Variants in TTLL6 observed in about 807,000 individuals in gnomAD.
The protein encoded by TTLL6 is tubulin tyrosine ligase like 6, also known as tubulin polyglutamylase TTLL6.
In TTLL6, 75 loss-of-function variants were observed where a neutral mutation model predicts 96.4. That is an observed-to-expected ratio of 0.78 (90% confidence interval 0.65 to 0.94). The LOEUF (loss-of-function observed/expected upper bound fraction) is 0.94, where lower values mean the gene tolerates loss of function less well. Ranked by LOEUF, TTLL6 falls within the 40% of genes least tolerant of loss-of-function variation. The probability of loss-of-function intolerance (pLI) is 0.00; values close to 1 mark genes in which losing one functional copy is unlikely to be tolerated. For missense variants in TTLL6, 1,030 were observed against 1,093.0 expected, an observed-to-expected ratio of 0.94 and a Z score of 0.81; for synonymous variants, 411 against 419.4, an observed-to-expected ratio of 0.98 and a Z score of 0.24.
At position 48,769,209 on chromosome 17, in the gene TTLL6, G is replaced by A; in HGVS notation, c.2456C>T (p.Ser819Phe). ...CACATCCAGCTGCCTCTTCTCGCCA[G>A]AGCTGTCACTGCGGGAGTGGCACTC... ...PGECHSRSDS[S>F]GEKRQLDVSS... The change falls in exon 15 of 16, where the codon TCT becomes TTT. Residue 819 changes from serine (S) to phenylalanine (F), a missense_variant. Coordinates refer to ENST00000393382, the MANE Select transcript of TTLL6 (RefSeq NM_001130918.3). 5 of 1,613,056 alleles carry A rather than the reference G, an allele frequency of 3.1e-6. No individual in the cohort carries two copies. Among genetic ancestry groups the A allele is most frequent in the Non-Finnish European group, 4.2e-6 (5 of 1,179,230 alleles).
chr17:48,812,064 A>ACCACCCCCCC (rs2039602289), intron 1 of TTLL6: 1 of 76,140 alleles, frequency 1.3e-5, no homozygotes. Flanking sequence ...TGATGCTGGG[A>ACCACCCCCCC]CCCCCCCCCC....
chr17:48,770,510 G>GTTATTATTAGTATTATTATTATTA (rs2038719709), intron 13 of TTLL6, among the ~76,000 whole-genome samples: 4 of 147,814 alleles, frequency 2.7e-5, no homozygotes, highest in Admixed American at 2.1e-4. Context: ...TATTGTTGTT[G>GTTATTATTAGTATTATTATTATTA]TTATTATTAT....
intron 8 of TTLL6, among the ~76,000 whole-genome samples, chr17:48,793,124 G>A (rs544562098): frequency 1.3e-5 from 2 of 152,308 alleles, no homozygotes; most frequent in African/African-American, 4.8e-5. Flanking sequence ...CTACTCCTGA[G>A]TTTGTGCGCC....
intron 5 of TTLL6, chr17:48,800,399 T>G (rs1251179305): frequency 6.6e-6 from 1 of 152,236 alleles, no homozygotes; most frequent in Non-Finnish European, 1.5e-5. Flanking sequence ...CTCGCTATAC[T>G]TCTGTGTTTT....
intron 13 of TTLL6, among the ~76,000 whole-genome samples, chr17:48,779,561 G>T (rs959451094): frequency 6.6e-6 from 1 of 152,036 alleles, no homozygotes; most frequent in Admixed American, 6.6e-5. Flanking sequence ...AGTTATACAA[G>T]GAAATGAAAA....
intron 1 of TTLL6, among the ~76,000 whole-genome samples, chr17:48,807,181 G>A (rs137986555): frequency 0.048 from 7,261 of 151,410 alleles, 253 homozygotes; most frequent in Non-Finnish European, 0.068. Flanking sequence ...TCCACCTCCC[G>A]GGTTCAAGTG....
At chr17:48,786,054 C>T (rs2039084301) in intron 12 of TTLL6, 110 bp downstream of exon 12, 1 of 1,512,302 alleles carries the variant, frequency 6.6e-7, no homozygotes, top group South Asian at 1.3e-5. Context: ...CTCTGCACAG[C>T]CTTTCGGTGT....
At chr17:48,816,634 C>G (rs1296205661) in intron 1 of TTLL6, among the ~76,000 whole-genome samples, 1 of 152,156 alleles carries the variant, frequency 6.6e-6, no homozygotes, top group Non-Finnish European at 1.5e-5. Context: ...AGAAAATGAC[C>G]CAATGATGGG....
intron 3 of TTLL6, among the ~76,000 whole-genome samples, chr17:48,803,016 C>CAA (rs2039450313): frequency 6.6e-6 from 1 of 151,482 alleles, no homozygotes. Flanking sequence ...ACTAAAACTA[C>CAA]AAAATTAGCT....
chr17:48,801,133 A>G, intron 5 of TTLL6, 122 bp downstream of exon 5: 1 of 860,128 alleles, frequency 1.2e-6, no homozygotes, highest in Non-Finnish European at 1.8e-6. Flanking sequence ...TCTTCCTGAA[A>G]AGTAGCCAGA....
chr17:48,770,623 C>G (rs1478380070), intron 13 of TTLL6, among the ~76,000 whole-genome samples: 2 of 151,744 alleles, frequency 1.3e-5, no homozygotes, highest in Admixed American at 1.3e-4. Context: ...CTCAAGCAAT[C>G]CTCCCACCTC....
Position 48,799,711 on chromosome 17 carries a change from T to C in TTLL6, c.661A>G (p.Ile221Val). 6.4e-7 allele frequency: 1 copy of C among 1,551,740 alleles called. No homozygotes were observed. Among genetic ancestry groups the C allele is most frequent in the South Asian group, 1.2e-5 (1 of 84,062 alleles). The change falls in exon 6 of 16, where the codon ATT (isoleucine) becomes GTT (valine). Residue 221 changes from isoleucine (I) to valine (V), a missense_variant. Physicochemically the swap from Ile to Val is conservative, Grantham distance 29 (BLOSUM62 3). Coordinates refer to ENST00000393382, the MANE Select transcript of TTLL6 (RefSeq NM_001130918.3). ...TGGCAGCCCGAATCCGGCTTACAAA[T>C]GTATGTCTTATTTTTTCTTGACCTG... is the stretch of plus-strand genomic sequence containing the variant. ...YSRSRKNKTY[I>V]CKPDSGCQGK...
rs2039058111 is a variant in TTLL6 at position 48,784,930 on chromosome 17, C to T, written c.2033G>A (p.Gly678Asp). The T allele has an allele frequency of 1.2e-6, 2 of 1,612,438 alleles. No individual in the cohort carries two copies. The highest frequency in any genetic ancestry group is 1.7e-4 in the Middle Eastern group (1 of 5,964). ...GCTCGGCTCACTACTTACCACAGTG[C>T]CAGTGAATACGTTCACTGCAGAGGC... ...KSASAVNVFT[G>D]TVHLTSVETT... Residue 678 changes from glycine to aspartate, a missense_variant, in exon 13 of 16, where the codon GGC becomes GAC. Gly to Asp is a moderately conservative substitution (Grantham distance 94). Transcript: ENST00000393382.
At position 48,817,207 on chromosome 17, in the gene TTLL6, A is replaced by C; in HGVS notation, c.-135T>G. 1 of 565,290 alleles carries C rather than the reference A, an allele frequency of 1.8e-6. No homozygotes were observed. 35.0% of individuals were successfully genotyped at this position (565,290 alleles called of 1,614,324 possible). A position where few individuals can be genotyped will look rare whatever the true frequency, so the allele number is the denominator to read the frequency against. On this transcript the variant is annotated 5_prime_UTR_variant, in exon 1 of 16. Coordinates refer to ENST00000393382, the MANE Select transcript of TTLL6 (RefSeq NM_001130918.3). ...AGCTGCCATGCCCCCTCCCTCCCGA[A>C]TCCAATTAACCGCCCAGGCGCTAGG...
At chr17:48,776,763 T>C (rs1453154235) in intron 13 of TTLL6, among the ~76,000 whole-genome samples, 1 of 152,172 alleles carries the variant, frequency 6.6e-6, no homozygotes, top group Non-Finnish European at 1.5e-5. Context: ...ATATTCACTA[T>C]TGTTAAAGAC....
At chr17:48,763,869 C>G (rs1224617195) in intron 15 of TTLL6, among the ~76,000 whole-genome samples, 1 of 152,094 alleles carries the variant, frequency 6.6e-6, no homozygotes, top group African/African-American at 2.4e-5. Context: ...GAGGCTGAGG[C>G]AGGAGAATAG....
intron 13 of TTLL6, among the ~76,000 whole-genome samples, chr17:48,773,835 C>G (rs1267048115): frequency 1.3e-5 from 2 of 151,912 alleles, no homozygotes; most frequent in Admixed American, 1.3e-4. Context: ...GCAATCCCAG[C>G]ACTTTGGGAG....
intron 8 of TTLL6, among the ~76,000 whole-genome samples, chr17:48,795,459 T>C (rs769604523): frequency 2.0e-5 from 3 of 152,118 alleles, no homozygotes; most frequent in Admixed American, 6.6e-5. Context: ...CTTCACCTGG[T>C]CAAGTTCACA....
At chr17:48,799,190 G>A (rs539934785) in intron 6 of TTLL6, among the ~76,000 whole-genome samples, 1 of 152,294 alleles carries the variant, frequency 6.6e-6, no homozygotes, top group African/African-American at 2.4e-5. Context: ...TTCCCAGAGA[G>A]ATCAGTGTGT....
Sources: gnomAD v4.1 joint callset for allele counts (sites outside exome capture counted in the v4.1 genomes callset) on GRCh38, gnomAD v4.1.1 for gene constraint, MANE v1.5 for transcripts, NCBI Gene and HGNC (gene_info 2026-07-23, HGNC 2026-07-21) for gene names.